Variants in USP25 observed in about 807,000 individuals in gnomAD.
USP25 encodes the protein ubiquitin specific peptidase 25, also known as ubiquitin carboxyl-terminal hydrolase 25.
USP25 carries 85 observed loss-of-function variants against 158.5 expected under a neutral mutation model. That is an observed-to-expected ratio of 0.54 (90% CI 0.45 to 0.64). The LOEUF is 0.64. Among genes scored for constraint, USP25 ranks in the 30% least tolerant of loss-of-function variants. USP25 has a pLI of 0.00. For missense variants in USP25, 1,242 were observed against 1,327.3 expected, an observed-to-expected ratio of 0.94 and a Z score of 1.00; for synonymous variants, 464 against 460.4, an observed-to-expected ratio of 1.01 and a Z score of -0.10.
At position 15,765,898 on chromosome 21, in the gene USP25, G is replaced by A. The variant is rs995800419; in HGVS notation, c.124-99G>A. The A allele has an allele frequency of 3.2e-6, 4 of 1,253,990 alleles. No homozygotes were observed. In the African/African-American group the frequency reaches 6.1e-5, roughly 19 times the overall value. The allele number at this position is 1,253,990 out of a possible 1,614,324, so 77.7% of individuals were successfully genotyped here. ...CATATAGATTAATTGCAAATTTAAAGCAATTTTGTTCTAGAGAGTTATGGA... is the reference window on the plus strand; with the variant it reads ...CATATAGATTAATTGCAAATTTAAAACAATTTTGTTCTAGAGAGTTATGGA... On this transcript the variant is annotated intron_variant, in intron 2 of 25. Transcript: ENST00000400183.
At chr21:15,836,552 G>T (rs1394982814) in intron 17 of USP25, among the ~76,000 whole-genome samples, 3 of 131,692 alleles carry the variant, frequency 2.3e-5, no homozygotes, top group Non-Finnish European at 4.9e-5. Flanking sequence ...CCTGAATACT[G>T]TTGTTGAGAT....
intron 4 of USP25, among the ~76,000 whole-genome samples, chr21:15,789,246 G>GCTATA: frequency 6.6e-6 from 1 of 152,190 alleles, no homozygotes; most frequent in East Asian, 1.9e-4. Context: ...CAGAAGACGG[G>GCTATA]CGTAAAGGAA....
chr21:15,876,893 T>C (rs894778706), intron 24 of USP25: 3 of 152,228 alleles, frequency 2.0e-5, no homozygotes, highest in Non-Finnish European at 2.9e-5. Flanking sequence ...GTCATGTTTA[T>C]CATGCTGTAA....
chr21:15,769,939 G>GTA (rs2034255828), intron 3 of USP25, among the ~76,000 whole-genome samples: 1 of 151,844 alleles, frequency 6.6e-6, no homozygotes, highest in African/African-American at 2.4e-5. Flanking sequence ...GTGACAGGTG[G>GTA]TAAGACTCTT....
At chr21:15,834,870 C>T (rs368097017) in intron 17 of USP25, among the ~76,000 whole-genome samples, 100 of 152,250 alleles carry the variant, frequency 6.6e-4, no homozygotes, top group African/African-American at 2.2e-3. Flanking sequence ...AAGGCTACCG[C>T]GTAGAGCAGG....
At position 15,730,000 on chromosome 21, in the gene USP25, C is replaced by T. The variant is rs1484028768; in HGVS notation, c.-394C>T. 6.6e-6 allele frequency: 1 copy of T among 151,572 alleles called. No individual in the cohort carries two copies. The highest frequency in any genetic ancestry group is 6.6e-5 in the Admixed American group (1 of 15,214). 9.4% of individuals were successfully genotyped at this position (151,572 alleles called of 1,614,324 possible). Reference sequence around the variant, plus strand: ...CAACGCCATTCCGGGCGGCCGCTCCCTCCGTCCCCTCTCTCCCTTCCCCAA... The same window carrying T: ...CAACGCCATTCCGGGCGGCCGCTCCTTCCGTCCCCTCTCTCCCTTCCCCAA... On this transcript the variant is annotated 5_prime_UTR_variant, in exon 1 of 26. Transcript: ENST00000400183.
Position 15,854,660 on chromosome 21 carries a change from G to C in USP25, c.2547+4788G>C, listed in dbSNP as rs142809935. On this transcript the variant is annotated intron_variant, in intron 20 of 25. Coordinates refer to ENST00000400183, the MANE Select transcript of USP25 (RefSeq NM_001283041.3). The stretch of plus-strand genomic sequence containing the variant: ...TAGTGATAAGAATAGTGATGCCACT[G>C]TCAGCCTTGTTATAAGAAACTTAGG... Among the ~76,000 whole-genome samples the C allele has an allele frequency of 9.9e-5, 15 of 152,254 alleles. No individual in the cohort carries two copies. In the East Asian group the frequency reaches 2.5e-3, roughly 25 times the overall value.
intron 18 of USP25, among the ~76,000 whole-genome samples, chr21:15,847,087 A>G (rs1264178653): frequency 1.3e-5 from 2 of 152,198 alleles, no homozygotes; most frequent in Admixed American, 6.5e-5. Flanking sequence ...AACAAAATAG[A>G]ATATGGATAT....
intron 5 of USP25, among the ~76,000 whole-genome samples, chr21:15,796,172 C>A (rs947660875): frequency 3.3e-5 from 5 of 151,478 alleles, no homozygotes; most frequent in African/African-American, 1.2e-4. Flanking sequence ...CCCTTTCTTA[C>A]CTCTTTTGAA....
rs998787430 is a variant in USP25, at chr21:15,816,706, A to T, written c.932-1992A>T. On this transcript the variant is annotated intron_variant, in intron 9 of 25. Transcript: ENST00000400183. The surrounding 1 kb of genome is among the most constrained non-coding windows in gnomAD (Gnocchi z 4.0). ...ATCTTTATTCCAGAATGTTAATCTTAGTTACAGATTCATATTCAACTGTCT... is the reference window on the plus strand; with the variant it reads ...ATCTTTATTCCAGAATGTTAATCTTTGTTACAGATTCATATTCAACTGTCT... Among the ~76,000 whole-genome samples the T allele has an allele frequency of 6.6e-6, 1 of 152,140 alleles. No homozygotes were observed. The highest frequency in any genetic ancestry group is 2.4e-5 in the African/African-American group (1 of 41,426).
intron 20 of USP25, among the ~76,000 whole-genome samples, chr21:15,856,546 A>C (rs2039150794): frequency 6.6e-6 from 1 of 150,924 alleles, no homozygotes; most frequent in African/African-American, 2.4e-5. Flanking sequence ...GTCTCGGCTC[A>C]CTGCAAGCTC....
chr21:15,873,634 C>CA (rs1482045744), intron 23 of USP25, among the ~76,000 whole-genome samples: 1 of 151,964 alleles, frequency 6.6e-6, no homozygotes, highest in African/African-American at 2.4e-5. Context: ...GCTGGGACTA[C>CA]AGGCATGTGT....
At chr21:15,823,065 A>G (rs1314860578) in intron 10 of USP25, among the ~76,000 whole-genome samples, 1 of 152,020 alleles carries the variant, frequency 6.6e-6, no homozygotes, top group Non-Finnish European at 1.5e-5. Flanking sequence ...GGATGTTCAA[A>G]TTTAAATTTG....
At position 15,849,773 on chromosome 21, in the gene USP25, G is replaced by T. The variant is rs1217255707; in HGVS notation, c.2452-4G>T. The T allele has an allele frequency of 1.3e-6, 2 of 1,523,436 alleles. No individual in the cohort carries two copies. Among genetic ancestry groups the T allele is most frequent in the South Asian group, 1.3e-5 (1 of 78,256 alleles). 94.4% of individuals were successfully genotyped at this position (1,523,436 alleles called of 1,614,324 possible). A position where few individuals can be genotyped will look rare whatever the true frequency, so the allele number is the denominator to read the frequency against. On this transcript the variant is annotated splice_polypyrimidine_tract_variant and splice_region_variant and intron_variant, in intron 19 of 25. Coordinates refer to ENST00000400183, the MANE Select transcript of USP25 (RefSeq NM_001283041.3). ...TTTTTAATGTTAACTATCTTCTGTG[G>T]CAGATCATGATGACACCGAACATGC...
At chr21:15,849,897 T>C in intron 20 of USP25, 25 bp downstream of exon 20, 2 of 1,438,762 alleles carry the variant, frequency 1.4e-6, no homozygotes, top group Non-Finnish European at 1.9e-6. Flanking sequence ...TTCATTTTCG[T>C]GTCTTTTCTT....
intron 5 of USP25, among the ~76,000 whole-genome samples, chr21:15,797,164 C>T (rs1242410993): frequency 6.6e-6 from 1 of 151,250 alleles, no homozygotes; most frequent in Non-Finnish European, 1.5e-5. Context: ...GTAGTACTAA[C>T]AGTGTATTTG....
chr21:15,767,787 A>G (rs1253230387), intron 3 of USP25, among the ~76,000 whole-genome samples: 2 of 152,086 alleles, frequency 1.3e-5, no homozygotes, highest in Admixed American at 1.3e-4. Flanking sequence ...AACTCTTAAT[A>G]TAGATGGTAT....
intron 9 of USP25, among the ~76,000 whole-genome samples, chr21:15,814,075 G>T (rs979117878): frequency 2.7e-5 from 4 of 150,482 alleles, no homozygotes; most frequent in African/African-American, 7.3e-5. Context: ...TTTATTAAAG[G>T]CACTTCTTCC....
intron 20 of USP25, 35 bp downstream of exon 20, chr21:15,849,907 T>C: frequency 7.1e-7 from 1 of 1,400,428 alleles, no homozygotes; most frequent in Non-Finnish European, 9.6e-7. Context: ...TGTCTTTTCT[T>C]TTTCAAAATT....
Sources: allele counts gnomAD v4.1 joint callset (sites outside exome capture counted in the v4.1 genomes callset), GRCh38; gene constraint gnomAD v4.1.1; non-coding constraint Gnocchi (gnomAD v3.1); transcripts MANE v1.5; gene names NCBI Gene and HGNC (gene_info 2026-07-23, HGNC 2026-07-21).